The following AGAP1 variants were observed in gnomAD, a reference collection of about 807,000 sequenced individuals.
AGAP1 encodes the protein arf-GAP with GTPase, ANK repeat and PH domain-containing protein 1.
Under a neutral mutation model 105.3 loss-of-function variants are expected in AGAP1, and 29 were observed. That is an observed-to-expected ratio of 0.28 (90% confidence interval 0.21 to 0.38). The LOEUF (loss-of-function observed/expected upper bound fraction) is 0.38, where lower values mean the gene tolerates loss of function less well. Among genes scored for constraint, AGAP1 ranks in the 10% least tolerant of loss-of-function variants. The probability of loss-of-function intolerance (pLI) is 1.00; values close to 1 mark genes in which losing one functional copy is unlikely to be tolerated. For synonymous variants in AGAP1, 509 were observed against 485.9 expected (o/e 1.05, Z -0.63); for missense variants, 998 against 1,165.1 (o/e 0.86, Z 2.09).
chr2:236,083,396 T>G lies in AGAP1; in HGVS notation c.2114+34115T>G, dbSNP rs193088155. On this transcript the variant is annotated intron_variant, in intron 16 of 17. Transcript: ENST00000304032. This position sits in a 1 kb window ranked among gnomAD's most constrained non-coding sequence, Gnocchi z 5.3. ...CTGATATTTTCTCTAAAGGAAAGAT[T>G]AAAGGATTGTTTTCATTTTATTATA... Among the ~76,000 whole-genome samples the G allele has an allele frequency of 2.4e-3, 373 of 152,332 alleles. 2 individuals carry two copies. The highest frequency in any genetic ancestry group is 7.9e-3 in the African/African-American group (327 of 41,554).
At chr2:235,863,224 G>A (rs896089460) in intron 9 of AGAP1, among the ~76,000 whole-genome samples, 4 of 152,238 alleles carry the variant, frequency 2.6e-5, no homozygotes, top group African/African-American at 7.2e-5. Context: ...GGCATCCCAC[G>A]TGGTCTGGGA....
Position 236,121,334 on chromosome 2 carries a change from T to C in AGAP1, c.2370+887T>C, listed in dbSNP as rs2125979619. ...TTGTTTTTTTGAGACAGAGTCTCGC[T>C]CTGTCACCCAGGCTGGAGTGCAGTG... is the stretch of plus-strand genomic sequence containing the variant. On this transcript the variant is annotated intron_variant, in intron 17 of 17. Transcript: ENST00000304032. This position sits in a 1 kb window ranked among gnomAD's most constrained non-coding sequence, Gnocchi z 4.9. 6.6e-6 allele frequency among the ~76,000 whole-genome samples: 1 copy of C among 152,354 alleles called. No homozygotes were observed. Among genetic ancestry groups the C allele is most frequent in the East Asian group, 1.9e-4 (1 of 5,176 alleles).
At position 235,686,363 on chromosome 2, in the gene AGAP1, G is replaced by T. The variant is rs117996491; in HGVS notation, c.164-22816G>T. On this transcript the variant is annotated intron_variant, in intron 1 of 17. Transcript: ENST00000304032. ...TGTTCAGGAGATTATCTTTGTTCCT[G>T]GTTTGGGAAGGCAGAGCTTCTATAT... is the stretch of plus-strand genomic sequence containing the variant. 1.4e-3 allele frequency among the ~76,000 whole-genome samples: 218 copies of T among 151,840 alleles called. 3 individuals are homozygous for T. The East Asian group carries it at 0.04, about 28-fold the overall frequency.
chr2:235,931,029 CA>C lies in AGAP1; in HGVS notation c.1483+107del. The C allele has an allele frequency of 3.0e-6, 4 of 1,317,992 alleles. No homozygotes were observed. The highest frequency in any genetic ancestry group is 4.1e-6 in the Non-Finnish European group (4 of 979,144). 81.6% of individuals were successfully genotyped at this position (1,317,992 alleles called of 1,614,324 possible). A position where few individuals can be genotyped will look rare whatever the true frequency, so the allele number is the denominator to read the frequency against. On this transcript the variant is annotated intron_variant, in intron 12 of 17. Coordinates refer to ENST00000304032, the MANE Select transcript of AGAP1 (RefSeq NM_001037131.3). This position sits in a 1 kb window ranked among gnomAD's most constrained non-coding sequence, Gnocchi z 5.6. Reference sequence around the variant, plus strand: ...AAGCTCTCATGCTCCTCTGGGAGCGCAGCACCCTGTGGGGCGGCTGCATCAG... The same window carrying C: ...AAGCTCTCATGCTCCTCTGGGAGCGCGCACCCTGTGGGGCGGCTGCATCAG...
intron 3 of AGAP1, chr2:235,718,485 G>A (rs1001977593): frequency 2.6e-6 from 2 of 765,324 alleles, no homozygotes; most frequent in Non-Finnish European, 1.6e-6. Flanking sequence ...TTCCCTCCTT[G>A]TTCTGTGTAC....
At position 236,104,786 on chromosome 2, in the gene AGAP1, G is replaced by A. The variant is rs1280752139; in HGVS notation, c.2115-15406G>A. Reference sequence around the variant, plus strand: ...TGCCTGTAATCCCAGCTACTCGGGAGGCTGAGGCAGGCAGGAGAATCGCTT... The same window carrying A: ...TGCCTGTAATCCCAGCTACTCGGGAAGCTGAGGCAGGCAGGAGAATCGCTT... On this transcript the variant is annotated intron_variant, in intron 16 of 17. Coordinates refer to ENST00000304032, the MANE Select transcript of AGAP1 (RefSeq NM_001037131.3). This position sits in a 1 kb window ranked among gnomAD's most constrained non-coding sequence, Gnocchi z 4.7. 6.6e-6 allele frequency among the ~76,000 whole-genome samples: 1 copy of A among 152,218 alleles called. No homozygotes were observed. Among genetic ancestry groups the A allele is most frequent in the Non-Finnish European group, 1.5e-5 (1 of 68,040 alleles).
Position 235,893,071 on chromosome 2 carries a change from G to C in AGAP1, c.1155+9622G>C, listed in dbSNP as rs896582606. On this transcript the variant is annotated intron_variant, in intron 10 of 17. Coordinates refer to ENST00000304032, the MANE Select transcript of AGAP1 (RefSeq NM_001037131.3). This position sits in a 1 kb window ranked among gnomAD's most constrained non-coding sequence, Gnocchi z 4.7. ...CTAAGGTGCTTGGAGCTGTCCTTTG[G>C]CCTTTCATGTGCTGTGTCTGTGGTG... Among the ~76,000 whole-genome samples, 1 of 152,288 alleles carries C rather than the reference G, an allele frequency of 6.6e-6. No individual in the cohort carries two copies. The highest frequency in any genetic ancestry group is 1.9e-4 in the East Asian group (1 of 5,176).
chr2:235,813,768 T>C (rs1343620352), intron 9 of AGAP1, among the ~76,000 whole-genome samples: 1 of 152,246 alleles, frequency 6.6e-6, no homozygotes, highest in Non-Finnish European at 1.5e-5. Flanking sequence ...GGTTTCTGTA[T>C]CCCAGGGTTC....
chr2:235,972,323 A>G (rs1429538531), intron 13 of AGAP1, among the ~76,000 whole-genome samples: 1 of 152,232 alleles, frequency 6.6e-6, no homozygotes, highest in African/African-American at 2.4e-5. Flanking sequence ...TAAGAAAAAT[A>G]GAATTCCATT....
chr2:235,668,690 T>G (rs1263941921), intron 1 of AGAP1, among the ~76,000 whole-genome samples: 1 of 152,176 alleles, frequency 6.6e-6, no homozygotes, highest in Non-Finnish European at 1.5e-5. Flanking sequence ...TAGACCAGTA[T>G]CTATCAGCCC....
chr2:235,816,619 G>T (rs895106725), intron 9 of AGAP1, among the ~76,000 whole-genome samples: 1 of 150,346 alleles, frequency 6.7e-6, no homozygotes, highest in African/African-American at 2.5e-5. Context: ...AGCTGGGTGT[G>T]GTGGCTCACG....
chr2:236,072,125 G>GTTTTT (rs11342740), intron 16 of AGAP1, among the ~76,000 whole-genome samples: 1 of 111,960 alleles, frequency 8.9e-6, no homozygotes, highest in Non-Finnish European at 1.9e-5. Context: ...TTCGTTGTGG[G>GTTTTT]TTTTTTTTTT....
intron 1 of AGAP1, among the ~76,000 whole-genome samples, chr2:235,528,070 T>G (rs1178058608): frequency 1.3e-5 from 2 of 152,186 alleles, no homozygotes; most frequent in African/African-American, 2.4e-5. Context: ...CTCATTAGGC[T>G]CTTTGTGATG....
At chr2:235,503,486 A>G (rs545106945) in intron 1 of AGAP1, among the ~76,000 whole-genome samples, 18 of 152,298 alleles carry the variant, frequency 1.2e-4, no homozygotes, top group Non-Finnish European at 2.1e-4. Flanking sequence ...TTTAGCTTCA[A>G]CAATCAAGCC....
intron 1 of AGAP1, among the ~76,000 whole-genome samples, chr2:235,514,331 A>G (rs7559293): frequency 0.45 from 68,877 of 152,200 alleles, 16,582 homozygotes; most frequent in Admixed American, 0.56. Flanking sequence ...TGAAGTTGAA[A>G]TTCCTTGGCC....
rs1559409266 is a variant in AGAP1, at chr2:235,732,626, G to T, written c.311-8337G>T. Among the ~76,000 whole-genome samples, 1 of 151,928 alleles carries T rather than the reference G, an allele frequency of 6.6e-6. No homozygotes were observed. Among genetic ancestry groups the T allele is most frequent in the Non-Finnish European group, 1.5e-5 (1 of 67,996 alleles). On this transcript the variant is annotated intron_variant, in intron 3 of 17. Transcript: ENST00000304032. This position sits in a 1 kb window ranked among gnomAD's most constrained non-coding sequence, Gnocchi z 4.8. ...CCTCTCCCGCCTTCCCATTTTCCCT[G>T]CTGGGGAGCCTTTGCATAATGTCCC...
At chr2:235,760,300 A>G (rs1191044830) in intron 6 of AGAP1, among the ~76,000 whole-genome samples, 1 of 152,176 alleles carries the variant, frequency 6.6e-6, no homozygotes, top group African/African-American at 2.4e-5. Context: ...AATCTCTTGA[A>G]CCCGGGAGGC....
chr2:235,808,058 C>T (rs962661012), intron 9 of AGAP1, among the ~76,000 whole-genome samples: 3 of 151,904 alleles, frequency 2.0e-5, no homozygotes, highest in African/African-American at 4.8e-5. Flanking sequence ...AAAAAAAAAC[C>T]CTGGAGTCCA....
At chr2:236,102,287 G>A (rs1461062384) in intron 16 of AGAP1, among the ~76,000 whole-genome samples, 1 of 149,964 alleles carries the variant, frequency 6.7e-6, no homozygotes, top group African/African-American at 2.4e-5. Context: ...CGTGGTGGCG[G>A]GTGCCTGTGG....
Sources: allele counts gnomAD v4.1 joint callset (sites outside exome capture counted in the v4.1 genomes callset), GRCh38; gene constraint gnomAD v4.1.1; non-coding constraint Gnocchi (gnomAD v3.1); transcripts MANE v1.5; gene names NCBI Gene and HGNC (gene_info 2026-07-23, HGNC 2026-07-21).